Variants in TRMT11 observed in about 807,000 individuals in gnomAD.
TRMT11 encodes tRNA (guanine(10)-N(2))-methyltransferase TRMT11.
Under a neutral mutation model 62.8 loss-of-function variants are expected in TRMT11, and 53 were observed. The observed-to-expected ratio is 0.84, with a 90% CI of 0.68 to 1.06. The LOEUF (loss-of-function observed/expected upper bound fraction) is 1.06. TRMT11 is among the 50% of genes least tolerant of loss of function. TRMT11 has a pLI of 0.00. For missense variants in TRMT11, 556 were observed against 553.4 expected, an observed-to-expected ratio of 1.00 and a Z score of -0.05; for synonymous variants, 188 against 190.3, an observed-to-expected ratio of 0.99 and a Z score of 0.10.
chr6:126,010,717 T>C (rs1459464695), intron 8 of TRMT11, among the ~76,000 whole-genome samples: 4 of 152,102 alleles, frequency 2.6e-5, no homozygotes, highest in African/African-American at 9.6e-5. Context: ...TTCTCTGATA[T>C]TAATCACTGG....
At chr6:126,013,543 G>C (rs1794581348) in intron 11 of TRMT11, among the ~76,000 whole-genome samples, 1 of 152,174 alleles carries the variant, frequency 6.6e-6, no homozygotes, top group Non-Finnish European at 1.5e-5. Flanking sequence ...TTATAAGAGT[G>C]AGCCACTGTA....
chr6:125,993,006 G>C (rs1178958128), intron 1 of TRMT11, among the ~76,000 whole-genome samples: 2 of 152,112 alleles, frequency 1.3e-5, no homozygotes, highest in African/African-American at 4.8e-5. Flanking sequence ...CGGTGGGCTT[G>C]GTGTTAAAGG....
chr6:126,159,554 C>G (rs753494934), intron 21 of TRMT11, among the ~76,000 whole-genome samples: 13 of 152,212 alleles, frequency 8.5e-5, no homozygotes, highest in Non-Finnish European at 1.8e-4. Flanking sequence ...CAGGAACAGC[C>G]ATCTTCCACT....
At chr6:126,017,585 G>C (rs535504311) in intron 11 of TRMT11, among the ~76,000 whole-genome samples, 1 of 152,174 alleles carries the variant, frequency 6.6e-6, no homozygotes, top group Non-Finnish European at 1.5e-5. Flanking sequence ...TGTCCCCATT[G>C]TTTGAGATGC....
At chr6:126,073,760 A>G (rs917832622) in intron 17 of TRMT11, among the ~76,000 whole-genome samples, 1 of 152,152 alleles carries the variant, frequency 6.6e-6, no homozygotes, top group East Asian at 1.9e-4. Context: ...GACTCTGTTT[A>G]TTAGTCTGTT....
chr6:126,041,255 C>T (rs895561549), downstream of TRMT11, among the ~76,000 whole-genome samples: 1 of 152,004 alleles, frequency 6.6e-6, no homozygotes, highest in African/African-American at 2.4e-5. Flanking sequence ...TCACGGGAGG[C>T]ATTGTAGTGG....
intron 9 of TRMT11, among the ~76,000 whole-genome samples, chr6:126,011,677 C>T (rs979785681): frequency 3.3e-5 from 5 of 151,944 alleles, no homozygotes; most frequent in African/African-American, 1.2e-4. Flanking sequence ...ACTTGTCACC[C>T]GTTTTTCCCT....
At chr6:126,113,639 T>C (rs950232477) in intron 18 of TRMT11, among the ~76,000 whole-genome samples, 4 of 152,102 alleles carry the variant, frequency 2.6e-5, no homozygotes, top group African/African-American at 9.6e-5. Flanking sequence ...AGTGATGATC[T>C]ATATAGATAT....
At chr6:126,266,885 T>A in the TRMT11 span, among the ~76,000 whole-genome samples, 1 of 152,206 alleles carries the variant, frequency 6.6e-6, no homozygotes, top group Non-Finnish European at 1.5e-5. Context: ...GGAAGACAGT[T>A]AAACATTATA....
At chr6:126,146,734 T>A (rs1295730836) in intron 21 of TRMT11, among the ~76,000 whole-genome samples, 2 of 152,206 alleles carry the variant, frequency 1.3e-5, no homozygotes, top group African/African-American at 4.8e-5. Flanking sequence ...GCCAGGCTGG[T>A]CTTGAACTCT....
intron 1 of TRMT11, among the ~76,000 whole-genome samples, chr6:126,189,987 G>A (rs1778576825): frequency 6.6e-6 from 1 of 151,946 alleles, no homozygotes; most frequent in Non-Finnish European, 1.5e-5. Context: ...TATATACAAT[G>A]AGTAATGATC....
At chr6:126,268,388 G>C in the TRMT11 span, among the ~76,000 whole-genome samples, 1 of 152,154 alleles carries the variant, frequency 6.6e-6, no homozygotes, top group African/African-American at 2.4e-5. Flanking sequence ...AGTTGAGCTG[G>C]GGAGGTGAAC....
At chr6:126,037,923 C>T (rs1388088241) in intron 12 of TRMT11, among the ~76,000 whole-genome samples, 1 of 151,896 alleles carries the variant, frequency 6.6e-6, no homozygotes, top group African/African-American at 2.4e-5. Flanking sequence ...CACATTAATC[C>T]AGGTGTAATT....
rs371766022 is a variant in TRMT11 at position 126,089,654 on chromosome 6, GAAA to G, written c.*1438-23211_*1438-23209del. ...CGTCCTGCTGAATGAAGAACTGAAT[GAAA>G]TGCTTAACCTGAAATCCAAGGGTGA... On this transcript the variant is annotated intron_variant and NMD_transcript_variant, in intron 17 of 22. Transcript: ENST00000648977. 3.2e-3 allele frequency among the ~76,000 whole-genome samples: 483 copies of G among 152,268 alleles called. 5 individuals are homozygous for G. The highest frequency in any genetic ancestry group is 0.011 in the African/African-American group (462 of 41,562).
chr6:126,125,536 A>G (rs1326591409), intron 21 of TRMT11, among the ~76,000 whole-genome samples: 3 of 152,072 alleles, frequency 2.0e-5, no homozygotes, highest in Non-Finnish European at 4.4e-5. Context: ...AATTTATTTC[A>G]TGGATATTTA....
At position 126,069,799 on chromosome 6, in the gene TRMT11, G is replaced by A. The variant is rs981753440; in HGVS notation, c.*1437+16609G>A. 3.6e-4 allele frequency among the ~76,000 whole-genome samples: 55 copies of A among 151,146 alleles called. 1 individual carries two copies. The highest frequency in any genetic ancestry group is 1.3e-3 in the African/African-American group (52 of 41,156). On this transcript the variant is annotated intron_variant and NMD_transcript_variant, in intron 17 of 22. Transcript: ENST00000648977. ...CCTTTTGTTTTTCAAGACAGTAACT[G>A]TGGATATGATGTGAGAGGTTGACAG...
chr6:126,173,703 G>A (rs2128237490), upstream of TRMT11, among the ~76,000 whole-genome samples: 1 of 152,300 alleles, frequency 6.6e-6, no homozygotes, highest in East Asian at 1.9e-4. Flanking sequence ...AAAACCAAAG[G>A]AACTTAGCAT....
At chr6:126,150,093 G>T (rs973810851) in intron 21 of TRMT11, among the ~76,000 whole-genome samples, 5 of 152,138 alleles carry the variant, frequency 3.3e-5, no homozygotes, top group Admixed American at 6.6e-5. Context: ...CTCATAAATA[G>T]ATTAGTCCAT....
chr6:125,991,899 G>A (rs1290217972), intron 1 of TRMT11, among the ~76,000 whole-genome samples: 1 of 152,164 alleles, frequency 6.6e-6, no homozygotes, highest in Non-Finnish European at 1.5e-5. Flanking sequence ...TTGTCCTGAA[G>A]CAACCTTTTA....
Sources: allele counts gnomAD v4.1 joint callset (sites outside exome capture counted in the v4.1 genomes callset), GRCh38; gene constraint gnomAD v4.1.1; transcripts MANE v1.5; gene names NCBI Gene and HGNC (gene_info 2026-07-23, HGNC 2026-07-21).